Variants in ITGBL1 observed in about 807,000 individuals in gnomAD.
The protein encoded by ITGBL1 is integrin subunit beta like 1.
In ITGBL1, 51 loss-of-function variants were observed where a neutral mutation model predicts 68.5. The observed-to-expected ratio is 0.74, with a 90% confidence interval of 0.59 to 0.94. The LOEUF is 0.94. Among genes scored for constraint, ITGBL1 ranks in the 40% least tolerant of loss-of-function variants. The pLI is 0.00. For missense variants in ITGBL1, 649 were observed against 647.4 expected, an observed-to-expected ratio of 1.00 and a Z score of -0.03; for synonymous variants, 209 against 227.3, an observed-to-expected ratio of 0.92 and a Z score of 0.72.
At chr13:101,617,326 TC>T (rs2031405824) in intron 7 of ITGBL1, among the ~76,000 whole-genome samples, 1 of 152,098 alleles carries the variant, frequency 6.6e-6, no homozygotes, top group Admixed American at 6.6e-5. Context: ...CACTGAAGTT[TC>T]TTTTAAGGAT....
chr13:101,640,199 C>T (rs2032316407), intron 7 of ITGBL1, among the ~76,000 whole-genome samples: 1 of 152,160 alleles, frequency 6.6e-6, no homozygotes, highest in Non-Finnish European at 1.5e-5. Context: ...ATAAAGCATT[C>T]AGGATTTAAG....
intron 2 of ITGBL1, among the ~76,000 whole-genome samples, chr13:101,546,354 G>A (rs1023304): frequency 0.77 from 117,347 of 152,030 alleles, 45,266 homozygotes; most frequent in South Asian, 0.81. Flanking sequence ...GGGTTTATAT[G>A]TACACTTTAG....
intron 2 of ITGBL1, among the ~76,000 whole-genome samples, chr13:101,541,782 G>C (rs2049708330): frequency 6.6e-6 from 1 of 152,084 alleles, no homozygotes; most frequent in Non-Finnish European, 1.5e-5. Flanking sequence ...GTTTAGTCTT[G>C]GGAGGATGTA....
intron 2 of ITGBL1, among the ~76,000 whole-genome samples, chr13:101,551,623 A>G (rs1315292860): frequency 6.6e-6 from 1 of 152,234 alleles, no homozygotes; most frequent in Non-Finnish European, 1.5e-5. Flanking sequence ...TGGAGGAATC[A>G]TGAAAAGACA....
chr13:101,694,690 G>A (rs568990035), intron 8 of ITGBL1, among the ~76,000 whole-genome samples: 391 of 152,186 alleles, frequency 2.6e-3, no homozygotes, highest in African/African-American at 9.0e-3. Flanking sequence ...CCAAAGAGCT[G>A]GAATTACAGG....
intron 7 of ITGBL1, among the ~76,000 whole-genome samples, chr13:101,603,378 G>GGAGTAA: frequency 6.6e-6 from 1 of 152,032 alleles, no homozygotes; most frequent in South Asian, 2.1e-4. Flanking sequence ...TGGAGGAGTA[G>GGAGTAA]GATATGGGTA....
intron 3 of ITGBL1, among the ~76,000 whole-genome samples, chr13:101,572,725 G>A (rs566416739): frequency 2.6e-5 from 4 of 152,034 alleles, no homozygotes; most frequent in African/African-American, 4.8e-5. Flanking sequence ...CACATCAGCC[G>A]GGAATGTTTC....
intron 8 of ITGBL1, among the ~76,000 whole-genome samples, chr13:101,699,133 A>G (rs1321168222): frequency 6.6e-6 from 1 of 152,226 alleles, no homozygotes; most frequent in African/African-American, 2.4e-5. Flanking sequence ...TTAACTGAAC[A>G]ATACAGTCAG....
At chr13:101,600,793 T>A (rs1457081433) in intron 7 of ITGBL1, among the ~76,000 whole-genome samples, 1 of 152,218 alleles carries the variant, frequency 6.6e-6, no homozygotes, top group Non-Finnish European at 1.5e-5. Flanking sequence ...GAAGCCCACT[T>A]GATCATAGTG....
chr13:101,642,375 C>G (rs1040287919), intron 7 of ITGBL1, among the ~76,000 whole-genome samples: 7 of 152,202 alleles, frequency 4.6e-5, no homozygotes, highest in African/African-American at 1.4e-4. Flanking sequence ...TGAGAAGTGT[C>G]TGCTCATGTC....
chr13:101,655,154 G>A (rs750648146), intron 7 of ITGBL1, among the ~76,000 whole-genome samples: 24 of 152,194 alleles, frequency 1.6e-4, no homozygotes, highest in Admixed American at 1.3e-3. Flanking sequence ...AAAGCAAAGT[G>A]TGCCATGAAG....
intron 7 of ITGBL1, among the ~76,000 whole-genome samples, chr13:101,608,756 AC>A (rs2030990645): frequency 6.6e-6 from 1 of 152,018 alleles, no homozygotes; most frequent in Non-Finnish European, 1.5e-5. Context: ...GTGCTAGAGG[AC>A]CCTGGAATAG....
At position 101,604,889 on chromosome 13, in the gene ITGBL1, C is replaced by CAT. The variant is rs2030630526; in HGVS notation, c.1015+6591_1015+6592insTA. Among the ~76,000 whole-genome samples, 3 of 52,344 alleles carry CAT rather than the reference C, an allele frequency of 5.7e-5. 1 individual carries two copies. The highest frequency in any genetic ancestry group is 1.3e-4 in the Non-Finnish European group (3 of 23,406). The allele number at this position is 52,344 out of a possible 152,430, so 34.3% of individuals were successfully genotyped here. On this transcript the variant is annotated intron_variant, in intron 7 of 10. Transcript: ENST00000376180. ...ATATATATATATATATATATATATA[C>CAT]ACACACACACACATATATATGTGCA...
intron 2 of ITGBL1, among the ~76,000 whole-genome samples, chr13:101,510,152 T>C (rs1484496464): frequency 6.6e-6 from 1 of 152,114 alleles, no homozygotes; most frequent in African/African-American, 2.4e-5. Context: ...AAACCAGTGC[T>C]CCCTTCCTCC....
At chr13:101,517,808 A>G (rs2049219930) in intron 2 of ITGBL1, among the ~76,000 whole-genome samples, 1 of 152,162 alleles carries the variant, frequency 6.6e-6, no homozygotes, top group Non-Finnish European at 1.5e-5. Context: ...AGAGAGTGCT[A>G]CATTATTTGG....
chr13:101,690,144 A>AT (rs987355378), intron 7 of ITGBL1, among the ~76,000 whole-genome samples: 1 of 152,234 alleles, frequency 6.6e-6, no homozygotes, highest in African/African-American at 2.4e-5. Flanking sequence ...ATTCTCTGAT[A>AT]TTTTAAAAAG....
At chr13:101,583,713 T>TC (rs34204732) in intron 6 of ITGBL1, among the ~76,000 whole-genome samples, 1 of 152,292 alleles carries the variant, frequency 6.6e-6, no homozygotes, top group African/African-American at 2.4e-5. Flanking sequence ...AATGCATATT[T>TC]CCCTGTTTTC....
At chr13:101,465,736 G>C (rs1202164870) in intron 2 of ITGBL1, among the ~76,000 whole-genome samples, 1 of 152,110 alleles carries the variant, frequency 6.6e-6, no homozygotes, top group Non-Finnish European at 1.5e-5. Flanking sequence ...TGGTACTTCT[G>C]ACTTTTTTGA....
intron 7 of ITGBL1, among the ~76,000 whole-genome samples, chr13:101,683,590 C>G (rs190949387): frequency 6.6e-6 from 1 of 151,870 alleles, no homozygotes; most frequent in East Asian, 1.9e-4. Flanking sequence ...GGAACTTACC[C>G]AAGAATTAAA....
Sources: allele counts gnomAD v4.1 joint callset (sites outside exome capture counted in the v4.1 genomes callset), GRCh38; gene constraint gnomAD v4.1.1; transcripts MANE v1.5; gene names NCBI Gene and HGNC (gene_info 2026-07-23, HGNC 2026-07-21).